Variants in LRRC18 observed in about 807,000 individuals in gnomAD.
LRRC18 encodes leucine-rich repeat-containing protein 18.
LRRC18 carries 12 observed loss-of-function variants against 11.2 expected under a neutral mutation model. The ratio of observed to expected loss-of-function variants is 1.07; its 90% CI spans 0.69 to 1.74. LRRC18 has a LOEUF of 1.74. Among genes scored for constraint, LRRC18 ranks in the 40% most tolerant of loss-of-function variants. LRRC18 has a pLI of 0.00. For synonymous variants in LRRC18, 155 were observed against 130.6 expected (o/e 1.19, Z -1.27); for missense variants, 374 against 330.5 (o/e 1.13, Z -1.02).
At chr10:48,928,475 G>T in the LRRC18 span, among the ~76,000 whole-genome samples, 1 of 151,846 alleles carries the variant, frequency 6.6e-6, no homozygotes, top group African/African-American at 2.4e-5. Context: ...GACTCCAGGT[G>T]CCAGCCCAGT....
the LRRC18 span, among the ~76,000 whole-genome samples, chr10:48,929,660 G>T: frequency 1.3e-5 from 2 of 152,172 alleles, no homozygotes; most frequent in African/African-American, 2.4e-5. Flanking sequence ...TTCTTGCCCG[G>T]ACCTTGCTCC....
the LRRC18 span, among the ~76,000 whole-genome samples, chr10:48,937,183 T>C: frequency 1.3e-5 from 2 of 152,182 alleles, no homozygotes; most frequent in Admixed American, 6.5e-5. Context: ...TGTGAGCCAC[T>C]GTGCCAGCCA....
At chr10:48,929,273 G>A in the LRRC18 span, among the ~76,000 whole-genome samples, 1 of 152,006 alleles carries the variant, frequency 6.6e-6, no homozygotes, top group South Asian at 2.1e-4. Flanking sequence ...AAGGAAGGGA[G>A]GGTGGGAGGA....
chr10:48,939,270 G>T, the LRRC18 span, among the ~76,000 whole-genome samples: 1 of 152,196 alleles, frequency 6.6e-6, no homozygotes, highest in East Asian at 1.9e-4. Context: ...TGTCAACATC[G>T]CCAGGACCAC....
chr10:48,914,678 T>C (rs1241681704), upstream of LRRC18, among the ~76,000 whole-genome samples: 1 of 152,152 alleles, frequency 6.6e-6, no homozygotes, highest in Non-Finnish European at 1.5e-5. Flanking sequence ...GCCTGGATCT[T>C]AGAGAATAAG....
At chr10:48,912,756 CA>C (rs1726304914) in intron 1 of LRRC18, among the ~76,000 whole-genome samples, 2 of 152,216 alleles carry the variant, frequency 1.3e-5, no homozygotes, top group African/African-American at 2.4e-5. Context: ...CATTCACAGC[CA>C]GTCAGAGGTC....
upstream of LRRC18, among the ~76,000 whole-genome samples, chr10:48,914,527 G>C (rs142718717): frequency 2.6e-5 from 4 of 152,304 alleles, no homozygotes; most frequent in African/African-American, 4.8e-5. Flanking sequence ...GTCCCAGACT[G>C]TCACGTACCC....
the LRRC18 span, among the ~76,000 whole-genome samples, chr10:48,928,628 G>A: frequency 7.9e-5 from 12 of 152,184 alleles, no homozygotes; most frequent in Non-Finnish European, 1.5e-4. Context: ...CTCGTATCAT[G>A]CTGGGGCATC....
At chr10:48,931,885 G>T in the LRRC18 span, among the ~76,000 whole-genome samples, 1 of 152,202 alleles carries the variant, frequency 6.6e-6, no homozygotes, top group Non-Finnish European at 1.5e-5. Context: ...AATTGAGAAT[G>T]ATGTGGTCAG....
the LRRC18 span, among the ~76,000 whole-genome samples, chr10:48,924,429 A>T: frequency 6.6e-6 from 1 of 152,250 alleles, no homozygotes; most frequent in East Asian, 1.9e-4. Context: ...AGTGGGATCA[A>T]CCCACACAAG....
intron 1 of LRRC18, among the ~76,000 whole-genome samples, chr10:48,913,178 C>A (rs554754053): frequency 6.6e-6 from 1 of 152,130 alleles, no homozygotes; most frequent in African/African-American, 2.4e-5. Flanking sequence ...AGTGTGTGTG[C>A]AGAGGACAGA....
At chr10:48,927,546 T>C in the LRRC18 span, among the ~76,000 whole-genome samples, 1 of 152,194 alleles carries the variant, frequency 6.6e-6, no homozygotes, top group Non-Finnish European at 1.5e-5. Context: ...ATTTGGCAAT[T>C]ATCTGGTTAA....
the LRRC18 span, among the ~76,000 whole-genome samples, chr10:48,933,799 C>G: frequency 6.6e-6 from 1 of 152,068 alleles, no homozygotes; most frequent in Non-Finnish European, 1.5e-5. Context: ...ACCTTGTGTT[C>G]TAGGGTTTCA....
At chr10:48,910,581 A>G (rs1837908923) in intron 1 of LRRC18, among the ~76,000 whole-genome samples, 1 of 152,210 alleles carries the variant, frequency 6.6e-6, no homozygotes, top group Non-Finnish European at 1.5e-5. Context: ...CTCTATCTCC[A>G]GTCTGCTTCG....
the LRRC18 span, among the ~76,000 whole-genome samples, chr10:48,924,285 G>C: frequency 6.6e-6 from 1 of 152,136 alleles, no homozygotes; most frequent in East Asian, 1.9e-4. Flanking sequence ...TGTGGCTCAG[G>C]GTCCATCCTG....
At chr10:48,934,896 C>A in the LRRC18 span, among the ~76,000 whole-genome samples, 1 of 152,226 alleles carries the variant, frequency 6.6e-6, no homozygotes. Context: ...GACTTGCACA[C>A]CTGCCTTCCC....
chr10:48,909,975 G>A (rs1309521246), exon 2 of LRRC18: 1 of 513,640 alleles, frequency 1.9e-6, no homozygotes, highest in Admixed American at 3.2e-5. Context: ...TATATAATCT[G>A]TAATTTTCTT....
At chr10:48,913,410 T>C (rs1400749464) in exon 1 of LRRC18, 1 of 1,611,896 alleles carries the variant, frequency 6.2e-7, no homozygotes, top group Non-Finnish European at 8.5e-7. Context: ...TTCCCAGGAG[T>C]CCTTGGCCAT....
At chr10:48,917,896 G>A (rs1838695507), upstream of LRRC18, among the ~76,000 whole-genome samples, 2 of 152,182 alleles carry the variant, frequency 1.3e-5, no homozygotes, top group Non-Finnish European at 2.9e-5. Context: ...AACTAACACT[G>A]TGTGATGGAG....
Sources: gnomAD v4.1 joint callset for allele counts (sites outside exome capture counted in the v4.1 genomes callset) on GRCh38, gnomAD v4.1.1 for gene constraint, MANE v1.5 for transcripts, NCBI Gene and HGNC (gene_info 2026-07-23, HGNC 2026-07-21) for gene names.